The following JAZF1 variants were observed in gnomAD, a reference collection of about 807,000 sequenced individuals.
JAZF1 encodes the protein juxtaposed with another zinc finger protein 1.
Under a neutral mutation model 26.4 loss-of-function variants are expected in JAZF1, and 8 were observed. The observed-to-expected ratio is 0.30, with a 90% confidence interval of 0.18 to 0.55. The LOEUF is 0.55. Ranked by LOEUF, JAZF1 falls within the 20% of genes least tolerant of loss-of-function variation. JAZF1 has a pLI of 0.94. For missense variants in JAZF1, 199 were observed against 322.0 expected, an observed-to-expected ratio of 0.62 and a Z score of 2.92; for synonymous variants, 126 against 122.3, an observed-to-expected ratio of 1.03 and a Z score of -0.20.
At chr7:27,958,126 A>G (rs1464067074) in intron 2 of JAZF1, among the ~76,000 whole-genome samples, 4 of 152,182 alleles carry the variant, frequency 2.6e-5, no homozygotes, top group Non-Finnish European at 5.9e-5. Flanking sequence ...CTACTCCGTT[A>G]CAGATTCATC....
chr7:28,067,732 C>T (rs1214735520), intron 1 of JAZF1, among the ~76,000 whole-genome samples: 1 of 152,154 alleles, frequency 6.6e-6, no homozygotes, highest in Non-Finnish European at 1.5e-5. Context: ...ATCTCAGTGT[C>T]AAAATAGGTT....
At chr7:28,009,157 T>C (rs1782753183) in intron 1 of JAZF1, among the ~76,000 whole-genome samples, 1 of 152,110 alleles carries the variant, frequency 6.6e-6, no homozygotes, top group South Asian at 2.1e-4. Context: ...TTTAATGCTC[T>C]AGACATGGAT....
chr7:28,077,480 G>T (rs537681310), intron 1 of JAZF1, among the ~76,000 whole-genome samples: 1 of 151,322 alleles, frequency 6.6e-6, no homozygotes, highest in South Asian at 2.1e-4. Flanking sequence ...CAGGTAACTG[G>T]TATAACCACA....
chr7:28,094,712 G>A (rs75540268), intron 1 of JAZF1, among the ~76,000 whole-genome samples: 5,939 of 152,192 alleles, frequency 0.039, 307 homozygotes, highest in East Asian at 0.25. Flanking sequence ...AAGAACACCT[G>A]CTTCACCTCC....
chr7:28,046,198 T>G (rs1327452979), intron 1 of JAZF1, among the ~76,000 whole-genome samples: 2 of 152,190 alleles, frequency 1.3e-5, no homozygotes, highest in Non-Finnish European at 2.9e-5. Context: ...CTACAAAACC[T>G]TTAGGAGCCA....
chr7:28,139,564 C>A (rs947785020), intron 1 of JAZF1, among the ~76,000 whole-genome samples: 1 of 152,148 alleles, frequency 6.6e-6, no homozygotes, highest in East Asian at 1.9e-4. Flanking sequence ...GGGAAAAGGA[C>A]CTGGTATCGA....
intron 1 of JAZF1, among the ~76,000 whole-genome samples, chr7:28,124,329 G>A (rs1782663611): frequency 1.3e-5 from 2 of 152,154 alleles, no homozygotes; most frequent in South Asian, 4.1e-4. Flanking sequence ...TGGACTTATA[G>A]TGTCCAAAGC....
At chr7:27,972,460 T>C (rs1024163468) in intron 2 of JAZF1, among the ~76,000 whole-genome samples, 8 of 152,094 alleles carry the variant, frequency 5.3e-5, no homozygotes, top group Non-Finnish European at 1.0e-4. Flanking sequence ...GCTGGAGAAG[T>C]GAGGGGATGC....
At chr7:28,072,020 CGTGTCT>C (rs1783985642) in intron 1 of JAZF1, among the ~76,000 whole-genome samples, 1 of 152,124 alleles carries the variant, frequency 6.6e-6, no homozygotes, top group Non-Finnish European at 1.5e-5. Flanking sequence ...GTCTGGGAGA[CGTGTCT>C]GAATCAAACA....
chr7:27,979,172 G>A (rs6965368), intron 2 of JAZF1, among the ~76,000 whole-genome samples: 2,112 of 152,062 alleles, frequency 0.014, 58 homozygotes, highest in African/African-American at 0.049. Flanking sequence ...TTGTTAAGTA[G>A]TAAATGAAAA....
chr7:27,962,842 A>G (rs946515423), intron 2 of JAZF1, among the ~76,000 whole-genome samples: 6 of 152,202 alleles, frequency 3.9e-5, no homozygotes, highest in African/African-American at 1.4e-4. Flanking sequence ...AGGGAATTTG[A>G]ACTTTGGCCC....
intron 1 of JAZF1, among the ~76,000 whole-genome samples, chr7:28,113,211 T>C (rs1784689857): frequency 6.6e-6 from 1 of 152,154 alleles, no homozygotes; most frequent in African/African-American, 2.4e-5. Flanking sequence ...TCTGTTGCTT[T>C]ATGGCGACAG....
intron 1 of JAZF1, among the ~76,000 whole-genome samples, chr7:28,180,152 C>T (rs1213246093): frequency 6.9e-6 from 1 of 145,270 alleles, no homozygotes; most frequent in Non-Finnish European, 1.5e-5. Context: ...CGCCGCAACC[C>T]CGCCGCCCCG....
intron 1 of JAZF1, among the ~76,000 whole-genome samples, chr7:28,057,833 T>C (rs1253743915): frequency 2.0e-5 from 3 of 152,232 alleles, no homozygotes; most frequent in Non-Finnish European, 4.4e-5. Flanking sequence ...TTTTCTCTTT[T>C]TGTTTTCCTT....
At chr7:28,012,891 T>C (rs1190771568) in intron 1 of JAZF1, among the ~76,000 whole-genome samples, 2 of 152,218 alleles carry the variant, frequency 1.3e-5, no homozygotes, top group African/African-American at 2.4e-5. Flanking sequence ...TACCTTTAAA[T>C]ACAATTTGAA....
At chr7:27,858,526 A>G (rs993013922) in intron 3 of JAZF1, among the ~76,000 whole-genome samples, 4 of 152,220 alleles carry the variant, frequency 2.6e-5, no homozygotes, top group African/African-American at 7.2e-5. Flanking sequence ...ACGGATGCCA[A>G]AACAGATATA....
intron 1 of JAZF1, among the ~76,000 whole-genome samples, chr7:28,066,790 T>C (rs1219334728): frequency 6.6e-6 from 1 of 152,062 alleles, no homozygotes; most frequent in Non-Finnish European, 1.5e-5. Flanking sequence ...GCTGTTGATT[T>C]GATTGTTACT....
chr7:28,073,959 GA>G (rs1274205714), intron 1 of JAZF1, among the ~76,000 whole-genome samples: 4 of 145,246 alleles, frequency 2.8e-5, no homozygotes, highest in Admixed American at 1.5e-4. Flanking sequence ...GTAGATGCTT[GA>G]AAAAAAAGTT....
chr7:28,114,836 G>A (rs531221000), intron 1 of JAZF1, among the ~76,000 whole-genome samples: 8 of 151,732 alleles, frequency 5.3e-5, no homozygotes, highest in East Asian at 1.9e-4. Flanking sequence ...AAGGTGCCAC[G>A]TGAACGGGGC....
Sources: allele counts gnomAD v4.1 joint callset (sites outside exome capture counted in the v4.1 genomes callset), GRCh38; gene constraint gnomAD v4.1.1; transcripts MANE v1.5; gene names NCBI Gene and HGNC (gene_info 2026-07-23, HGNC 2026-07-21).